The following CHDH variants were observed in gnomAD, a reference collection of about 807,000 sequenced individuals.
CHDH encodes the protein choline dehydrogenase.
A neutral mutation model predicts 56.9 loss-of-function variants in CHDH; 43 were observed. That is an observed-to-expected ratio of 0.76 (90% CI 0.59 to 0.97). The LOEUF (loss-of-function observed/expected upper bound fraction) is 0.97. Among genes scored for constraint, CHDH ranks in the 50% least tolerant of loss-of-function variants. The pLI is 0.00. For synonymous variants in CHDH, 364 were observed against 348.5 expected (o/e 1.04, Z -0.50); for missense variants, 816 against 821.1 (o/e 0.99, Z 0.08).
chr3:53,839,337 G>A (rs1325659447), intron 2 of CHDH, among the ~76,000 whole-genome samples: 6 of 152,222 alleles, frequency 3.9e-5, no homozygotes. Flanking sequence ...CAGAATCCAA[G>A]TGCAGGGAAA....
At chr3:53,828,162 G>GAGACAC (rs1698208966) in intron 2 of CHDH, among the ~76,000 whole-genome samples, 2 of 145,146 alleles carry the variant, frequency 1.4e-5, no homozygotes, top group African/African-American at 5.1e-5. Context: ...GGAATAACTA[G>GAGACAC]ACACACACAC....
rs1318663041 is a variant in CHDH, at chr3:53,821,883, T to C, written c.856-107A>G. On this transcript the variant is annotated intron_variant, in intron 4 of 8. Coordinates refer to ENST00000315251, the MANE Select transcript of CHDH (RefSeq NM_018397.5). ...ACCATGAGAACACAGCCTTGGGATG[T>C]AGAATCCTGTGGCACACCCGGGACA... The C allele has an allele frequency of 3.1e-5, 44 of 1,422,544 alleles. No homozygotes were observed. The Admixed American group carries it at 8.0e-4, about 26-fold the overall frequency. The allele number at this position is 1,422,544 out of a possible 1,614,324, so 88.1% of individuals were successfully genotyped here.
chr3:53,834,490 C>A (rs1698433216), intron 2 of CHDH, among the ~76,000 whole-genome samples: 1 of 152,166 alleles, frequency 6.6e-6, no homozygotes, highest in Non-Finnish European at 1.5e-5. Flanking sequence ...GACAAGTTTG[C>A]TACATTTTGT....
Position 53,819,052 on chromosome 3 carries a change from C to CA in CHDH, c.1264-13dup, listed in dbSNP as rs1559747232. ...GGCCCCACATGTACCTAGAAGAACA[C>CA]AGAGGAAGCAGTGACGGTCCCTCCA... On this transcript the variant is annotated splice_polypyrimidine_tract_variant and intron_variant, in intron 7 of 8. Coordinates refer to ENST00000315251, the MANE Select transcript of CHDH (RefSeq NM_018397.5). This position sits in a 1 kb window ranked among gnomAD's most constrained non-coding sequence, Gnocchi z 5.4. The CA allele has an allele frequency of 1.3e-6, 2 of 1,574,898 alleles. No individual in the cohort carries two copies. The highest frequency in any genetic ancestry group is 1.7e-4 in the Middle Eastern group (1 of 5,966).
chr3:53,820,373 C>T (rs555617308), intron 6 of CHDH, 101 bp downstream of exon 6: 112 of 1,381,246 alleles, frequency 8.1e-5, no homozygotes, highest in East Asian at 2.8e-4. Flanking sequence ...GGCATAGTTC[C>T]GCATCAAACC....
chr3:53,819,559 C>A lies in CHDH; in HGVS notation c.1236G>T (p.Arg412=), dbSNP rs2095622099. 15 of 1,612,330 alleles carry A rather than the reference C, an allele frequency of 9.3e-6. No individual in the cohort carries two copies. Among genetic ancestry groups the A allele is most frequent in the Non-Finnish European group, 1.3e-5 (15 of 1,179,054 alleles). ...GGTAAGCCTCCTGCTGGGTGGGGAC[C>A]CGCCCGTGGTCAATCACTTGGGATG... ...FLPSQVIDHG[R]VPTQQEAYQV... The change falls in exon 7 of 9, where the codon CGG becomes CGT. Residue 412 remains arginine (R), a synonymous_variant. Transcript: ENST00000315251. The surrounding 1 kb of genome is among the most constrained non-coding windows in gnomAD (Gnocchi z 5.4).
At chr3:53,845,968 GGGCCC>G (rs994468767) in intron 1 of CHDH, 110 bp downstream of exon 1, 4 of 152,226 alleles carry the variant, frequency 2.6e-5, no homozygotes, top group African/African-American at 7.2e-5. Flanking sequence ...TGTGTAAAGC[GGGCCC>G]GGGTCTCGGC....
chr3:53,821,116 GC>G (rs1162328108), intron 5 of CHDH, among the ~76,000 whole-genome samples: 6 of 152,260 alleles, frequency 3.9e-5, no homozygotes, highest in Non-Finnish European at 8.8e-5. Flanking sequence ...TCATGATGAA[GC>G]CTAAAGGCAC....
In CHDH at chr3:53,821,828, CT is replaced by C. The variant is rs750538209; in HGVS notation, c.856-53del. ...CCTGAAAAGCCAGCTGTTCTCCTGA[CT>C]CACAGACCAGCGCCCTACTCTAGCC... On this transcript the variant is annotated intron_variant, in intron 4 of 8. Transcript: ENST00000315251. The C allele has an allele frequency of 5.3e-5, 85 of 1,603,992 alleles. No homozygotes were observed. The Middle Eastern group carries it at 8.4e-4, about 16-fold the overall frequency.
At chr3:53,835,418 G>A (rs1451603199) in intron 2 of CHDH, among the ~76,000 whole-genome samples, 1 of 152,178 alleles carries the variant, frequency 6.6e-6, no homozygotes, top group Non-Finnish European at 1.5e-5. Context: ...GCTTGCACTT[G>A]ACCTTCACAC....
At position 53,812,349 on chromosome 3, in the gene CHDH, A is replaced by AT. The variant is rs2095604117; in HGVS notation, c.*5427dup. ...AGTAGAAGAAATAGAGCCAATTCTC[A>AT]TTTATTCAGCGAAAATCCTCTGGGG... is the stretch of plus-strand genomic sequence containing the variant. On this transcript the variant is annotated 3_prime_UTR_variant, in exon 9 of 9. Coordinates refer to ENST00000315251, the MANE Select transcript of CHDH (RefSeq NM_018397.5). 1 of 152,228 alleles carries AT rather than the reference A, an allele frequency of 6.6e-6. No homozygotes were observed. 9.4% of individuals were successfully genotyped at this position (152,228 alleles called of 1,614,324 possible).
At chr3:53,836,925 T>C (rs543541217) in intron 2 of CHDH, among the ~76,000 whole-genome samples, 1 of 152,376 alleles carries the variant, frequency 6.6e-6, no homozygotes, top group South Asian at 2.1e-4. Context: ...TTAAAACAAT[T>C]TTTTGAAAGC....
intron 2 of CHDH, among the ~76,000 whole-genome samples, chr3:53,840,128 T>C (rs1025570289): frequency 5.3e-5 from 8 of 152,158 alleles, no homozygotes; most frequent in African/African-American, 1.7e-4. Flanking sequence ...TACAGTTAGA[T>C]AGAAGAAATG....
At chr3:53,827,049 G>A (rs2095640281) in intron 2 of CHDH, among the ~76,000 whole-genome samples, 1 of 152,170 alleles carries the variant, frequency 6.6e-6, no homozygotes, top group Non-Finnish European at 1.5e-5. Flanking sequence ...GGGAGGCTAA[G>A]GTCAGAGGAT....
At position 53,814,206 on chromosome 3, in the gene CHDH, C is replaced by T. The variant is rs1388734916; in HGVS notation, c.*3571G>A. ...GAGCAGTTTCACCTTGTGTACTTCT[C>T]AGCATCGTAAGTGTCTTTGCCAATT... On this transcript the variant is annotated 3_prime_UTR_variant, in exon 9 of 9. Transcript: ENST00000315251. 1 of 152,212 alleles carries T rather than the reference C, an allele frequency of 6.6e-6. No individual in the cohort carries two copies. The highest frequency in any genetic ancestry group is 1.9e-4 in the East Asian group (1 of 5,194). The allele number at this position is 152,212 out of a possible 1,614,324, so 9.4% of individuals were successfully genotyped here.
At chr3:53,823,238 C>T (rs1172185948) in intron 3 of CHDH, 68 bp downstream of exon 3, 10 of 1,384,896 alleles carry the variant, frequency 7.2e-6, no homozygotes, top group Middle Eastern at 3.9e-4. Context: ...CCTGGAGCCA[C>T]GGGCCAAGAT....
rs964677112 is a variant in CHDH, at chr3:53,819,437, G to A, written c.1263+95C>T. 1.3e-6 allele frequency: 2 copies of A among 1,489,228 alleles called. No individual in the cohort carries two copies. The highest frequency in any genetic ancestry group is 1.8e-6 in the Non-Finnish European group (2 of 1,101,980). The allele number at this position is 1,489,228 out of a possible 1,614,324, so 92.3% of individuals were successfully genotyped here. ...GTGTCCCCCACTCTGCAGCCATATG[G>A]CACCAGGGAGAATGCTGCCTTGGAA... On this transcript the variant is annotated intron_variant, in intron 7 of 8. Transcript: ENST00000315251. This position sits in a 1 kb window ranked among gnomAD's most constrained non-coding sequence, Gnocchi z 5.4.
intron 2 of CHDH, among the ~76,000 whole-genome samples, chr3:53,826,603 C>T (rs1576789471): frequency 6.6e-6 from 1 of 152,024 alleles, no homozygotes; most frequent in Admixed American, 6.6e-5. Flanking sequence ...AAGGAAACTT[C>T]CCCAACTTGG....
Position 53,821,686 on chromosome 3 carries a change from G to C in CHDH, c.946C>G (p.Leu316Val). 1.2e-6 allele frequency: 2 copies of C among 1,614,024 alleles called. No individual in the cohort carries two copies. The highest frequency in any genetic ancestry group is 1.7e-6 in the Non-Finnish European group (2 of 1,179,888). ...MLSGIGNADDLKKLGIPVVCH... is the reference protein window; with the variant it reads ...MLSGIGNADDVKKLGIPVVCH... ...ACCACAGGGATGCCCAGTTTCTTGA[G>C]GTCATCAGCATTCCCGATGCCAGAG... is the stretch of plus-strand genomic sequence containing the variant. The change falls in exon 5 of 9, where the codon CTC (leucine) becomes GTC (valine). Residue 316 changes from leucine (L) to valine (V), a missense_variant. Transcript: ENST00000315251.
Sources: allele counts gnomAD v4.1 joint callset (sites outside exome capture counted in the v4.1 genomes callset), GRCh38; gene constraint gnomAD v4.1.1; non-coding constraint Gnocchi (gnomAD v3.1); transcripts MANE v1.5; gene names NCBI Gene and HGNC (gene_info 2026-07-23, HGNC 2026-07-21).